The following KLHL29 variants were observed in gnomAD, a reference collection of about 807,000 sequenced individuals.
KLHL29 encodes kelch-like protein 29.
Under a neutral mutation model 80.4 loss-of-function variants are expected in KLHL29, and 21 were observed. That is an observed-to-expected ratio of 0.26 (90% CI 0.19 to 0.38). KLHL29 has a LOEUF of 0.38. Ranked by LOEUF, KLHL29 falls within the 10% of genes least tolerant of loss-of-function variation. The pLI, the probability that KLHL29 is intolerant of heterozygous loss-of-function variation, is 1.00. For missense variants in KLHL29, 867 were observed against 1,223.9 expected, an observed-to-expected ratio of 0.71 and a Z score of 4.35; for synonymous variants, 511 against 526.8, an observed-to-expected ratio of 0.97 and a Z score of 0.41.
chr2:23,555,119 C>CT (rs1491213225), intron 2 of KLHL29, among the ~76,000 whole-genome samples: 2 of 124,336 alleles, frequency 1.6e-5, no homozygotes, highest in Non-Finnish European at 1.6e-5. Context: ...GGAGGATGAC[C>CT]TCCCCCCCCC....
At chr2:23,687,293 C>G (rs573553203) in intron 6 of KLHL29, among the ~76,000 whole-genome samples, 1 of 152,178 alleles carries the variant, frequency 6.6e-6, no homozygotes, top group Non-Finnish European at 1.5e-5. Flanking sequence ...CTGCTGTCCC[C>G]GCATCCCCAG....
At chr2:23,551,280 A>C (rs1667115909) in intron 2 of KLHL29, among the ~76,000 whole-genome samples, 1 of 152,168 alleles carries the variant, frequency 6.6e-6, no homozygotes, top group African/African-American at 2.4e-5. Context: ...TTACACCAGG[A>C]GCAATAGCAC....
intron 5 of KLHL29, among the ~76,000 whole-genome samples, chr2:23,675,761 A>T (rs1281550103): frequency 6.6e-6 from 1 of 152,228 alleles, no homozygotes; most frequent in Admixed American, 6.5e-5. Flanking sequence ...TTGCATACGA[A>T]GCGCAGGGTT....
chr2:23,572,511 C>T lies in KLHL29; in HGVS notation c.285+10030C>T, dbSNP rs574619255. Among the ~76,000 whole-genome samples the T allele has an allele frequency of 3.9e-5, 6 of 152,178 alleles. No homozygotes were observed. The East Asian group carries it at 5.8e-4, about 15-fold the overall frequency. ...GCGAACTCTGTAAAAGTCAGCTGCCCGTGATGCCCAGTCTATAGAGGCTCT... is the reference window on the plus strand; with the variant it reads ...GCGAACTCTGTAAAAGTCAGCTGCCTGTGATGCCCAGTCTATAGAGGCTCT... On this transcript the variant is annotated intron_variant, in intron 3 of 13. Transcript: ENST00000486442.
chr2:23,516,292 T>A (rs143710807), intron 2 of KLHL29, among the ~76,000 whole-genome samples: 1 of 152,236 alleles, frequency 6.6e-6, no homozygotes, highest in African/African-American at 2.4e-5. Context: ...GAGCAACTAT[T>A]CGAAGGCAGC....
intron 3 of KLHL29, among the ~76,000 whole-genome samples, chr2:23,614,044 C>T (rs999498064): frequency 2.0e-5 from 3 of 152,184 alleles, no homozygotes; most frequent in Non-Finnish European, 4.4e-5. Context: ...AAAGTCACCA[C>T]TCTGCTCACT....
chr2:23,541,596 G>C (rs1216523930), intron 2 of KLHL29, among the ~76,000 whole-genome samples: 1 of 152,218 alleles, frequency 6.6e-6, no homozygotes, highest in Non-Finnish European at 1.5e-5. Flanking sequence ...GTTGTAGCTG[G>C]AAGGTAAGAC....
In KLHL29 at chr2:23,647,672, C is replaced by G. The variant is rs1204694987; in HGVS notation, c.940+4822C>G. 1.3e-5 allele frequency among the ~76,000 whole-genome samples: 2 copies of G among 152,144 alleles called. No individual in the cohort carries two copies. The stretch of plus-strand genomic sequence containing the variant: ...GTGATTTTTCAAAATGCAGGTCTGG[C>G]CCTGCCACACCCTGTCCAACAACCC... On this transcript the variant is annotated intron_variant, in intron 5 of 13. Transcript: ENST00000486442. This position sits in a 1 kb window ranked among gnomAD's most constrained non-coding sequence, Gnocchi z 4.9.
At chr2:23,615,943 T>C (rs1668993307) in intron 3 of KLHL29, among the ~76,000 whole-genome samples, 1 of 152,188 alleles carries the variant, frequency 6.6e-6, no homozygotes, top group Non-Finnish European at 1.5e-5. Context: ...CCTCTGCTTC[T>C]CTTTTGGGAA....
chr2:23,679,993 G>T (rs116587446), intron 5 of KLHL29, among the ~76,000 whole-genome samples: 6,688 of 152,268 alleles, frequency 0.044, 187 homozygotes, highest in South Asian at 0.09. Flanking sequence ...GAGGAGGAGC[G>T]GAGGGAACGG....
chr2:23,505,212 C>G (rs547318451), intron 2 of KLHL29, among the ~76,000 whole-genome samples: 26 of 152,242 alleles, frequency 1.7e-4, no homozygotes, highest in Admixed American at 5.2e-4. Flanking sequence ...AAACTGAGGC[C>G]CAGGCACTGA....
intron 5 of KLHL29, among the ~76,000 whole-genome samples, chr2:23,666,793 A>C (rs1670566632): frequency 6.6e-6 from 1 of 152,258 alleles, no homozygotes; most frequent in South Asian, 2.1e-4. Context: ...TGGCCCACCC[A>C]GACTGGCACA....
chr2:23,658,631 T>C (rs1231007595), intron 5 of KLHL29, among the ~76,000 whole-genome samples: 1 of 152,082 alleles, frequency 6.6e-6, no homozygotes, highest in African/African-American at 2.4e-5. Context: ...GGGAGGTGAA[T>C]GATGAGCCAG....
intron 2 of KLHL29, among the ~76,000 whole-genome samples, chr2:23,560,382 T>C (rs1667419644): frequency 6.8e-6 from 1 of 146,376 alleles, no homozygotes; most frequent in South Asian, 2.3e-4. Flanking sequence ...GTGATTCTCC[T>C]GCCTCAGCCT....
chr2:23,609,493 AAT>A (rs1185267864), intron 3 of KLHL29, among the ~76,000 whole-genome samples: 3 of 152,066 alleles, frequency 2.0e-5, no homozygotes, highest in African/African-American at 7.2e-5. Context: ...GTTTTTGTGA[AAT>A]AGAGAGCAGG....
In KLHL29 at chr2:23,479,088, C is replaced by T. The variant is rs1664716450; in HGVS notation, c.-46+3421C>T. On this transcript the variant is annotated intron_variant, in intron 2 of 13. Coordinates refer to ENST00000486442, the MANE Select transcript of KLHL29 (RefSeq NM_052920.2). ...CCTCAAGGAGGGACCTGCAGGCAGA[C>T]ATCTCACTGCTGCTCCGGCCGACAC... Among the ~76,000 whole-genome samples the T allele has an allele frequency of 2.0e-5, 3 of 151,736 alleles. No individual in the cohort carries two copies. In the South Asian group the frequency reaches 6.3e-4, roughly 32 times the overall value.
intron 1 of KLHL29, among the ~76,000 whole-genome samples, chr2:23,431,104 G>A (rs1469028208): frequency 6.6e-6 from 1 of 152,192 alleles, no homozygotes; most frequent in African/African-American, 2.4e-5. Context: ...AACCCCTCTA[G>A]CACCTGTGTA....
chr2:23,413,912 C>T (rs1397683994), intron 1 of KLHL29, among the ~76,000 whole-genome samples: 14 of 152,080 alleles, frequency 9.2e-5, no homozygotes, highest in East Asian at 1.9e-4. Context: ...GAGAGTGACC[C>T]GGGGTTGTCT....
intron 3 of KLHL29, among the ~76,000 whole-genome samples, chr2:23,566,966 C>G (rs188536898): frequency 6.6e-6 from 1 of 152,132 alleles, no homozygotes. Flanking sequence ...ATTGGCCTGT[C>G]CCCATCCCCT....
Sources: allele counts gnomAD v4.1 joint callset (sites outside exome capture counted in the v4.1 genomes callset), GRCh38; gene constraint gnomAD v4.1.1; non-coding constraint Gnocchi (gnomAD v3.1); transcripts MANE v1.5; gene names NCBI Gene and HGNC (gene_info 2026-07-23, HGNC 2026-07-21).